TTLL6: variants seen among roughly 807,000 people sequenced by gnomAD.
TTLL6 encodes tubulin tyrosine ligase like 6.
A neutral mutation model predicts 96.4 loss-of-function variants in TTLL6; 75 were observed. The ratio of observed to expected loss-of-function variants is 0.78; its 90% confidence interval spans 0.65 to 0.94. TTLL6 has a LOEUF of 0.94. Ranked by LOEUF, TTLL6 falls within the 40% of genes least tolerant of loss-of-function variation. The pLI is 0.00. For missense variants in TTLL6, 1,030 were observed against 1,093.0 expected (o/e 0.94, Z 0.81); for synonymous variants, 411 against 419.4 (o/e 0.98, Z 0.24).
At chr17:48,764,613 T>C (rs2038557038) in intron 15 of TTLL6, among the ~76,000 whole-genome samples, 1 of 152,142 alleles carries the variant, frequency 6.6e-6, no homozygotes, top group African/African-American at 2.4e-5. Flanking sequence ...TGCTCTTCCT[T>C]CTTTCCTTCA....
At chr17:48,793,732 G>C (rs1011243915) in intron 8 of TTLL6, among the ~76,000 whole-genome samples, 2 of 152,154 alleles carry the variant, frequency 1.3e-5, no homozygotes, top group Non-Finnish European at 2.9e-5. Flanking sequence ...GTGCGACCCA[G>C]GTAAGTTACT....
At chr17:48,799,806 A>G (rs2039379379) in intron 5 of TTLL6, 46 bp from the exon 6 acceptor site, 2 of 1,508,190 alleles carry the variant, frequency 1.3e-6, no homozygotes, top group Non-Finnish European at 1.8e-6. Context: ...GCTGGGGAGC[A>G]ATGAAAAGGA....
Position 48,797,124 on chromosome 17 carries a change from C to A in TTLL6, c.849G>T (p.Val283=), listed in dbSNP as rs542363937. 135 of 1,551,314 alleles carry A rather than the reference C, an allele frequency of 8.7e-5. 1 individual carries two copies. The highest frequency in any genetic ancestry group is 1.1e-4 in the Non-Finnish European group (131 of 1,146,984). The change falls in exon 7 of 16, where the codon GTG becomes GTT. Residue 283 remains valine (V), a synonymous_variant. Transcript: ENST00000393382. ...VTSCDPLRIF[V]YNEGLARFAT... Reference sequence around the variant, plus strand: ...CAAAGCGGGCCAGTCCTTCATTGTACACAAAAATCCTGAGAGGGTCACAGG... The same window carrying A: ...CAAAGCGGGCCAGTCCTTCATTGTAAACAAAAATCCTGAGAGGGTCACAGG...
chr17:48,811,175 T>A (rs532092207), intron 1 of TTLL6, among the ~76,000 whole-genome samples: 1 of 151,458 alleles, frequency 6.6e-6, no homozygotes, highest in African/African-American at 2.4e-5. Flanking sequence ...TTCAAGCGAT[T>A]CTGTTGCCTC....
At chr17:48,802,995 C>T (rs1443079008) in intron 3 of TTLL6, among the ~76,000 whole-genome samples, 1 of 152,026 alleles carries the variant, frequency 6.6e-6, no homozygotes, top group Non-Finnish European at 1.5e-5. Flanking sequence ...CATGGAGAAA[C>T]ACCCATCTCT....
At chr17:48,767,549 C>A (rs1225365917) in intron 15 of TTLL6, among the ~76,000 whole-genome samples, 1 of 152,144 alleles carries the variant, frequency 6.6e-6, no homozygotes, top group Non-Finnish European at 1.5e-5. Context: ...CTTGCAGGCC[C>A]TCCTGCAGTG....
chr17:48,799,700 C>T lies in TTLL6; in HGVS notation c.672G>A (p.Pro224=), dbSNP rs754608809. 2.1e-4 allele frequency: 331 copies of T among 1,551,730 alleles called. 4 individuals carry two copies. In the Middle Eastern group the frequency reaches 3.5e-3, roughly 16 times the overall value. The change falls in exon 6 of 16, where the codon CCG becomes CCA. Residue 224 remains proline (P), a synonymous_variant. Coordinates refer to ENST00000393382, the MANE Select transcript of TTLL6 (RefSeq NM_001130918.3). ...TACCTTTCCCTTGGCAGCCCGAATC[C>T]GGCTTACAAATGTATGTCTTATTTT... The part of the protein sequence containing the change: ...SRKNKTYICK[P]DSGCQGKGIF...
In TTLL6 at chr17:48,788,325, C is replaced by A. The variant is rs568240526; in HGVS notation, c.1401-326G>T. 7.2e-4 allele frequency among the ~76,000 whole-genome samples: 109 copies of A among 152,352 alleles called. 1 individual carries two copies. In the South Asian group the frequency reaches 0.017, roughly 24 times the overall value. On this transcript the variant is annotated intron_variant, in intron 10 of 15. Transcript: ENST00000393382. ...ACTGTCGCCACCTTCCCATTCACAG[C>A]CCTGATTACCCTTTTCTAGAGAGTG...
intron 6 of TTLL6, among the ~76,000 whole-genome samples, chr17:48,798,433 G>C (rs1252280560): frequency 6.6e-6 from 1 of 152,158 alleles, no homozygotes; most frequent in East Asian, 1.9e-4. Context: ...CGGGTGTGCT[G>C]GTGGGTGCCT....
In TTLL6 at chr17:48,791,367, A is replaced by G; in HGVS notation, c.1224+11T>C. The G allele has an allele frequency of 3.1e-6, 5 of 1,613,094 alleles. No homozygotes were observed. The highest frequency in any genetic ancestry group is 3.3e-5 in the Admixed American group (2 of 59,974). On this transcript the variant is annotated intron_variant, in intron 9 of 15. Transcript: ENST00000393382. ...GGAGTTCGTTTTCGCCCCTCGCCCA[A>G]ACTTCCCTACCTCCAGCAGCCAGGG...
At chr17:48,808,409 G>A (rs888425891) in intron 1 of TTLL6, among the ~76,000 whole-genome samples, 12 of 146,618 alleles carry the variant, frequency 8.2e-5, no homozygotes, top group Admixed American at 6.1e-4. Context: ...CACGTGCATA[G>A]ATATATGTTG....
At chr17:48,765,112 T>A (rs2038573730) in intron 15 of TTLL6, among the ~76,000 whole-genome samples, 1 of 152,216 alleles carries the variant, frequency 6.6e-6, no homozygotes, top group East Asian at 1.9e-4. Context: ...CAGCTTTTTT[T>A]TCTTTTCTAA....
intron 15 of TTLL6, among the ~76,000 whole-genome samples, chr17:48,767,781 C>T (rs1452994283): frequency 6.6e-6 from 1 of 152,198 alleles, no homozygotes; most frequent in Non-Finnish European, 1.5e-5. Context: ...ATCTTACCAT[C>T]TCCTGGGGCC....
At chr17:48,786,381 T>C in intron 11 of TTLL6, 46 bp from the exon 12 acceptor site, 2 of 1,609,378 alleles carry the variant, frequency 1.2e-6, no homozygotes, top group East Asian at 2.2e-5. Context: ...AGAAATGCGC[T>C]GCGCAGGCAG....
intron 12 of TTLL6, among the ~76,000 whole-genome samples, chr17:48,785,434 T>C (rs1478324667): frequency 6.6e-6 from 1 of 152,162 alleles, no homozygotes; most frequent in Admixed American, 6.5e-5. Flanking sequence ...AACTGTGCAT[T>C]GTGTACTTTC....
intron 5 of TTLL6, chr17:48,800,035 T>C: frequency 2.4e-6 from 1 of 410,276 alleles, no homozygotes; most frequent in Non-Finnish European, 4.5e-6. Flanking sequence ...AACCTCAACT[T>C]CATCATCTAT....
At chr17:48,800,923 G>T (rs1348243074) in intron 5 of TTLL6, among the ~76,000 whole-genome samples, 1 of 152,186 alleles carries the variant, frequency 6.6e-6, no homozygotes, top group African/African-American at 2.4e-5. Flanking sequence ...CTCTCCAGAG[G>T]TGCTCATGGT....
intron 13 of TTLL6, among the ~76,000 whole-genome samples, chr17:48,772,786 A>C (rs2038775095): frequency 6.6e-6 from 1 of 151,978 alleles, no homozygotes; most frequent in African/African-American, 2.4e-5. Context: ...AAAGTTGGGA[A>C]TCTAAGCAAA....
intron 7 of TTLL6, 29 bp downstream of exon 7, chr17:48,797,032 G>A (rs1485146419): frequency 1.3e-6 from 2 of 1,542,808 alleles, no homozygotes; most frequent in Non-Finnish European, 1.8e-6. Flanking sequence ...TATGGGGGTA[G>A]GGTGAGGTAG....
Sources: gnomAD v4.1 joint callset for allele counts (sites outside exome capture counted in the v4.1 genomes callset) on GRCh38, gnomAD v4.1.1 for gene constraint, MANE v1.5 for transcripts, NCBI Gene and HGNC (gene_info 2026-07-23, HGNC 2026-07-21) for gene names.